SMYD3: variants seen among roughly 807,000 people sequenced by gnomAD.
SMYD3 encodes histone-lysine N-methyltransferase SMYD3.
A neutral mutation model predicts 57.7 loss-of-function variants in SMYD3; 36 were observed. The observed-to-expected ratio is 0.62, with a 90% CI of 0.48 to 0.82. SMYD3 has a LOEUF of 0.82. Among genes scored for constraint, SMYD3 ranks in the 40% least tolerant of loss-of-function variants. SMYD3 has a pLI of 0.00. For synonymous variants in SMYD3, 211 were observed against 195.0 expected (o/e 1.08, Z -0.68); for missense variants, 515 against 538.8 (o/e 0.96, Z 0.44).
chr1:246,152,728 C>A (rs909426846), intron 5 of SMYD3, among the ~76,000 whole-genome samples: 4 of 151,820 alleles, frequency 2.6e-5, no homozygotes, highest in Non-Finnish European at 4.4e-5. Flanking sequence ...AATAAATTAA[C>A]CTGGAATTAA....
intron 5 of SMYD3, among the ~76,000 whole-genome samples, chr1:246,164,902 C>A (rs2062180609): frequency 6.6e-6 from 1 of 152,212 alleles, no homozygotes; most frequent in Admixed American, 6.5e-5. Flanking sequence ...ACAAAGGTAA[C>A]TAAAACACAA....
At chr1:246,437,194 G>T (rs2067393405) in intron 1 of SMYD3, among the ~76,000 whole-genome samples, 1 of 152,134 alleles carries the variant, frequency 6.6e-6, no homozygotes, top group African/African-American at 2.4e-5. Context: ...TACTGTATCT[G>T]CAGCAGCTGC....
chr1:245,807,352 A>C (rs1312768040), intron 10 of SMYD3, among the ~76,000 whole-genome samples: 2 of 149,574 alleles, frequency 1.3e-5, no homozygotes, highest in Non-Finnish European at 3.0e-5. Context: ...ACCAACAAAG[A>C]AAAAAAAAAG....
At chr1:246,279,886 C>T (rs2064409328) in intron 5 of SMYD3, among the ~76,000 whole-genome samples, 1 of 152,090 alleles carries the variant, frequency 6.6e-6, no homozygotes, top group Non-Finnish European at 1.5e-5. Flanking sequence ...TTTAGTTGAA[C>T]AATTATAGTA....
intron 5 of SMYD3, among the ~76,000 whole-genome samples, chr1:246,068,316 C>CA (rs2060382727): frequency 6.6e-6 from 1 of 151,190 alleles, no homozygotes; most frequent in African/African-American, 2.4e-5. Flanking sequence ...ACCCACGCAG[C>CA]AAAAAGCTGT....
intron 11 of SMYD3, among the ~76,000 whole-genome samples, chr1:245,755,812 C>T (rs188026481): frequency 3.3e-5 from 5 of 152,102 alleles, no homozygotes; most frequent in African/African-American, 9.6e-5. Flanking sequence ...ACAACATATG[C>T]TTGAGTCATT....
chr1:245,789,378 A>T (rs1183980849), intron 10 of SMYD3, among the ~76,000 whole-genome samples: 1 of 152,210 alleles, frequency 6.6e-6, no homozygotes, highest in Non-Finnish European at 1.5e-5. Context: ...ATTTCTGCAC[A>T]GACTCAGGAT....
chr1:245,837,679 G>C (rs2148406802), intron 10 of SMYD3, among the ~76,000 whole-genome samples: 1 of 152,244 alleles, frequency 6.6e-6, no homozygotes, highest in South Asian at 2.1e-4. Flanking sequence ...TTCCACATTA[G>C]TTTAGGTGCC....
chr1:246,289,388 A>G (rs971635057), intron 5 of SMYD3, among the ~76,000 whole-genome samples: 2 of 152,238 alleles, frequency 1.3e-5, no homozygotes, highest in Admixed American at 1.3e-4. Flanking sequence ...GTTTTAGTGC[A>G]TGCAGAACGT....
intron 5 of SMYD3, among the ~76,000 whole-genome samples, chr1:246,080,364 T>C (rs1045610739): frequency 7.9e-5 from 12 of 152,240 alleles, no homozygotes; most frequent in Middle Eastern, 3.4e-3. Context: ...GTGAACCCTA[T>C]TGTGAACTGG....
intron 2 of SMYD3, among the ~76,000 whole-genome samples, chr1:246,347,342 CAAG>C (rs992904949): frequency 1.3e-5 from 2 of 152,102 alleles, no homozygotes; most frequent in African/African-American, 4.8e-5. Context: ...CAGAGAACAC[CAAG>C]AAGGATAAAA....
chr1:245,919,049 T>C (rs2055664017), intron 7 of SMYD3, among the ~76,000 whole-genome samples: 1 of 152,180 alleles, frequency 6.6e-6, no homozygotes, highest in Non-Finnish European at 1.5e-5. Flanking sequence ...ATAAATGGGC[T>C]CCTAAAGCCT....
At chr1:245,824,497 A>G (rs2049356896) in intron 10 of SMYD3, among the ~76,000 whole-genome samples, 1 of 152,172 alleles carries the variant, frequency 6.6e-6, no homozygotes, top group Non-Finnish European at 1.5e-5. Flanking sequence ...CGGGTGGATC[A>G]CTTGAGGTCA....
chr1:245,842,711 A>G (rs1033527054), intron 10 of SMYD3, among the ~76,000 whole-genome samples: 7 of 151,988 alleles, frequency 4.6e-5, no homozygotes, highest in African/African-American at 1.7e-4. Flanking sequence ...ATTAATTTTT[A>G]TTTTACTTTT....
Position 246,182,300 on chromosome 1 carries a change from A to G in SMYD3, c.531+144901T>C, listed in dbSNP as rs191736598. 1.5e-3 allele frequency among the ~76,000 whole-genome samples: 227 copies of G among 152,134 alleles called. 1 individual carries two copies. The highest frequency in any genetic ancestry group is 0.014 in the Middle Eastern group (4 of 294). On this transcript the variant is annotated intron_variant, in intron 5 of 11. Transcript: ENST00000490107. ...TCCTTCCCCTTTCTCCTATTACCTC[A>G]GCCTTCACTCCACTTAATCTTCCCA...
chr1:246,327,068 GATAAGGAAGTAAT>G (rs1311196465), intron 5 of SMYD3, 120 bp downstream of exon 5: 1 of 1,021,258 alleles, frequency 9.8e-7, no homozygotes, highest in East Asian at 2.4e-5. Flanking sequence ...TACTCACTAT[GATAAGGAAGTAAT>G]ATAAGGCATT....
At chr1:245,806,709 G>C (rs576226727) in intron 10 of SMYD3, among the ~76,000 whole-genome samples, 16 of 151,956 alleles carry the variant, frequency 1.1e-4, no homozygotes, top group East Asian at 1.9e-4. Context: ...AGGAGATGGA[G>C]ACCATCCTGG....
chr1:246,177,929 T>A (rs7531193), intron 5 of SMYD3, among the ~76,000 whole-genome samples: 1 of 152,054 alleles, frequency 6.6e-6, no homozygotes, highest in African/African-American at 2.4e-5. Context: ...CTTAGGGAGG[T>A]GCTACTCTCT....
intron 5 of SMYD3, among the ~76,000 whole-genome samples, chr1:246,098,099 T>C (rs1240957800): frequency 6.6e-6 from 1 of 152,188 alleles, no homozygotes; most frequent in Non-Finnish European, 1.5e-5. Flanking sequence ...AAGATACAAA[T>C]AGATGCCCTC....
Sources: gnomAD v4.1 joint callset for allele counts (sites outside exome capture counted in the v4.1 genomes callset) on GRCh38, gnomAD v4.1.1 for gene constraint, MANE v1.5 for transcripts, NCBI Gene and HGNC (gene_info 2026-07-23, HGNC 2026-07-21) for gene names.